Variants in PARVB observed in about 807,000 individuals in gnomAD.
PARVB encodes beta-parvin.
A neutral mutation model predicts 47.0 loss-of-function variants in PARVB; 46 were observed. That is an observed-to-expected ratio of 0.98 (90% CI 0.77 to 1.25). PARVB has a LOEUF of 1.25. Ranked by LOEUF, PARVB falls within the 50% of genes most tolerant of loss-of-function variation. PARVB has a pLI of 0.00. For synonymous variants in PARVB, 196 were observed against 196.3 expected, an observed-to-expected ratio of 1.00 and a Z score of 0.01; for missense variants, 473 against 471.6, an observed-to-expected ratio of 1.00 and a Z score of -0.03.
intron 3 of PARVB, chr22:44,105,713 C>T (rs1178953999): frequency 6.6e-6 from 1 of 152,308 alleles, no homozygotes; most frequent in East Asian, 1.9e-4. Flanking sequence ...AGTAAGAGAA[C>T]CGATGGGGGT....
upstream of PARVB, among the ~76,000 whole-genome samples, chr22:44,023,130 G>A (rs5764060): frequency 3.9e-5 from 6 of 152,036 alleles, no homozygotes; most frequent in Non-Finnish European, 7.4e-5. Flanking sequence ...GTCACCGTCC[G>A]CCTGCCTGTG....
Position 44,049,052 on chromosome 22 carries a change from C to T in PARVB, c.112+24601C>T, listed in dbSNP as rs535379173. On this transcript the variant is annotated intron_variant, in intron 1 of 12. Coordinates refer to ENST00000338758, the MANE Select transcript of PARVB (RefSeq NM_013327.5). This position sits in a 1 kb window ranked among gnomAD's most constrained non-coding sequence, Gnocchi z 4.0. Reference sequence around the variant, plus strand: ...TGGAGTCCTCCCAGCCACATGGCCTCGGATCCGGGCTGCAGGTCCAGGCTT... The same window carrying T: ...TGGAGTCCTCCCAGCCACATGGCCTTGGATCCGGGCTGCAGGTCCAGGCTT... Among the ~76,000 whole-genome samples, 19 of 152,212 alleles carry T rather than the reference C, an allele frequency of 1.2e-4. No individual in the cohort carries two copies. Among genetic ancestry groups the T allele is most frequent in the East Asian group, 3.9e-4 (2 of 5,178 alleles).
rs77748897 is a variant in PARVB at position 44,115,245 on chromosome 22, C to G, written c.274-3793C>G. On this transcript the variant is annotated intron_variant, in intron 3 of 12. Coordinates refer to ENST00000338758, the MANE Select transcript of PARVB (RefSeq NM_013327.5). ...CATTGTTACTAACTAAGGCCCTACA[C>G]CAACACAGATACATTGTTACTAAGT... The G allele has an allele frequency of 8.3e-4, 46 of 55,260 alleles. 4 individuals are homozygous for G. The highest frequency in any genetic ancestry group is 8.1e-3 in the East Asian group (10 of 1,234). The allele number at this position is 55,260 out of a possible 1,614,324, so 3.4% of individuals were successfully genotyped here. A position where few individuals can be genotyped will look rare whatever the true frequency, so the allele number is the denominator to read the frequency against.
At chr22:44,165,204 C>T (rs906948253) in intron 12 of PARVB, among the ~76,000 whole-genome samples, 2 of 152,194 alleles carry the variant, frequency 1.3e-5, no homozygotes, top group Admixed American at 1.3e-4. Flanking sequence ...CACTATGTTG[C>T]CCAGACTGGT....
intron 3 of PARVB, among the ~76,000 whole-genome samples, chr22:44,118,058 G>A (rs1016463650): frequency 2.0e-5 from 3 of 152,160 alleles, no homozygotes; most frequent in African/African-American, 7.2e-5. Context: ...TTAAGAGGAA[G>A]GCTGGCCTGG....
rs1432975024 is a variant in PARVB, at chr22:44,018,758, C to T, written c.211+19085C>T. The stretch of plus-strand genomic sequence containing the variant: ...CAAGTGCAGACTCCTGACCTGGGTG[C>T]TGGAGGGCAGTCCTTTCCATCGCCC... On this transcript the variant is annotated intron_variant, in intron 2 of 13. Coordinates refer to the PARVB transcript ENST00000406477. 3.3e-5 allele frequency among the ~76,000 whole-genome samples: 5 copies of T among 152,176 alleles called. No homozygotes were observed. In the East Asian group the frequency reaches 5.8e-4, roughly 18 times the overall value.
At chr22:44,054,504 T>A (rs1300929235) in intron 1 of PARVB, among the ~76,000 whole-genome samples, 1 of 151,528 alleles carries the variant, frequency 6.6e-6, no homozygotes, top group Non-Finnish European at 1.5e-5. Context: ...CATGAGCTCC[T>A]CAGCTAGAAG....
At position 44,158,204 on chromosome 22, in the gene PARVB, C is replaced by T. The variant is rs933224268; in HGVS notation, c.945+121C>T. The T allele has an allele frequency of 1.4e-5, 9 of 648,082 alleles. No individual in the cohort carries two copies. The Middle Eastern group carries it at 1.3e-3, about 94-fold the overall frequency. 40.1% of individuals were successfully genotyped at this position (648,082 alleles called of 1,614,324 possible). On this transcript the variant is annotated intron_variant, in intron 11 of 12. Transcript: ENST00000338758. The stretch of plus-strand genomic sequence containing the variant: ...TGCATTCTTCAGAAAGTAAAAAATG[C>T]ACAAGTGATATTGCAATTAGATGTA...
chr22:44,099,583 A>G (rs1274572578), intron 2 of PARVB, among the ~76,000 whole-genome samples: 1 of 152,104 alleles, frequency 6.6e-6, no homozygotes. Flanking sequence ...TTTTACATAC[A>G]ACATTGCATA....
At chr22:44,102,952 A>T in intron 3 of PARVB, 1 of 152,542 alleles carries the variant, frequency 6.6e-6, no homozygotes, top group Non-Finnish European at 1.5e-5. Flanking sequence ...GTGTTCACTG[A>T]GCCAAGTTGA....
rs1346271150 is a variant in PARVB at position 44,132,940 on chromosome 22, T to C, written c.564T>C (p.Ser188=). ...NLVAILHLLV[S]LAMHFRAPIR... Reference sequence around the variant, plus strand: ...TGGCCATCCTCCACCTGCTGGTCTCTCTGGCCATGCACTTCAGGGCCCCCA... The same window carrying C: ...TGGCCATCCTCCACCTGCTGGTCTCCCTGGCCATGCACTTCAGGGCCCCCA... Residue 188 remains serine (S), a synonymous_variant, in exon 6 of 13, where the codon TCT becomes TCC. Coordinates refer to ENST00000338758, the MANE Select transcript of PARVB (RefSeq NM_013327.5). 1 of 1,614,164 alleles carries C rather than the reference T, an allele frequency of 6.2e-7. No individual in the cohort carries two copies. The highest frequency in any genetic ancestry group is 8.5e-7 in the Non-Finnish European group (1 of 1,180,006).
At chr22:44,008,945 C>T (rs2050495592) in intron 2 of PARVB, among the ~76,000 whole-genome samples, 1 of 152,092 alleles carries the variant, frequency 6.6e-6, no homozygotes, top group African/African-American at 2.4e-5. Flanking sequence ...GCCGAGATCG[C>T]ACCACTGTGC....
intron 5 of PARVB, among the ~76,000 whole-genome samples, chr22:44,132,349 C>T (rs1453420596): frequency 2.0e-5 from 3 of 152,140 alleles, no homozygotes; most frequent in Non-Finnish European, 2.9e-5. Flanking sequence ...AACTGTAAAA[C>T]CCTGCAGGAG....
chr22:44,113,359 C>T (rs527910856), intron 3 of PARVB: 2,246 of 75,828 alleles, frequency 0.03, 19 homozygotes, highest in African/African-American at 0.033. Context: ...CTAACTAAGG[C>T]CCTGCACCAA....
Position 44,119,083 on chromosome 22 carries a change from A to T in PARVB, c.319A>T (p.Ile107Phe), listed in dbSNP as rs2052980599. 2.5e-6 allele frequency: 4 copies of T among 1,614,002 alleles called. No homozygotes were observed. Among genetic ancestry groups the T allele is most frequent in the Non-Finnish European group, 8.5e-7 (1 of 1,180,006 alleles). The change falls in exon 4 of 13, where the codon ATT (isoleucine) becomes TTT (phenylalanine). Residue 107 changes from isoleucine to phenylalanine, a missense_variant. Transcript: ENST00000338758. ...TGACGTGCTGGTGGAGGAGAGGATC[A>T]TTGTGAAGCAGCTGGAGGAAGACCT... ...INDVLVEERI[I>F]VKQLEEDLYD...
chr22:44,065,187 T>C lies in PARVB; in HGVS notation c.113-28741T>C, dbSNP rs2051495383. On this transcript the variant is annotated intron_variant, in intron 1 of 12. Coordinates refer to ENST00000338758, the MANE Select transcript of PARVB (RefSeq NM_013327.5). ...GGGTTTTGTGGGGACCCTTTGTCTA[T>C]CTGCTTCGTCTTCCCCAGATGAATC... is the stretch of plus-strand genomic sequence containing the variant. 2.0e-5 allele frequency among the ~76,000 whole-genome samples: 3 copies of C among 152,056 alleles called. No homozygotes were observed. In the South Asian group the frequency reaches 6.2e-4, roughly 32 times the overall value.
At chr22:44,055,548 T>C (rs2051290765) in intron 1 of PARVB, among the ~76,000 whole-genome samples, 2 of 152,118 alleles carry the variant, frequency 1.3e-5, no homozygotes, top group African/African-American at 2.4e-5. Context: ...TTGGCCAGGA[T>C]GATCTCGATC....
chr22:44,155,760 T>C lies in PARVB; in HGVS notation c.844-2222T>C, dbSNP rs578113086. Among the ~76,000 whole-genome samples the C allele has an allele frequency of 8.5e-5, 13 of 152,226 alleles. No homozygotes were observed. In the South Asian group the frequency reaches 2.7e-3, roughly 32 times the overall value. On this transcript the variant is annotated intron_variant, in intron 10 of 12. Coordinates refer to ENST00000338758, the MANE Select transcript of PARVB (RefSeq NM_013327.5). The surrounding 1 kb of genome is among the most constrained non-coding windows in gnomAD (Gnocchi z 4.8). The stretch of plus-strand genomic sequence containing the variant: ...CACTTAAAAGAATTCTTCAAACCCG[T>C]CTGATCTCCTTAATGATAGGAGTGG...
At position 44,049,280 on chromosome 22, in the gene PARVB, C is replaced by T. The variant is rs2051166249; in HGVS notation, c.112+24829C>T. Among the ~76,000 whole-genome samples the T allele has an allele frequency of 6.6e-6, 1 of 152,144 alleles. No individual in the cohort carries two copies. The highest frequency in any genetic ancestry group is 6.6e-5 in the Admixed American group (1 of 15,262). ...CTGTGTGTGCTGGTGTCAGAATGAA[C>T]AATACCCATAGTGCTTGGCGTAGAC... On this transcript the variant is annotated intron_variant, in intron 1 of 12. Coordinates refer to ENST00000338758, the MANE Select transcript of PARVB (RefSeq NM_013327.5). The surrounding 1 kb of genome is among the most constrained non-coding windows in gnomAD (Gnocchi z 4.0).
Sources: allele counts gnomAD v4.1 joint callset (sites outside exome capture counted in the v4.1 genomes callset), GRCh38; gene constraint gnomAD v4.1.1; non-coding constraint Gnocchi (gnomAD v3.1); transcripts MANE v1.5; gene names NCBI Gene and HGNC (gene_info 2026-07-23, HGNC 2026-07-21).